ST3GAL3: variants seen among roughly 807,000 people sequenced by gnomAD.
ST3GAL3 encodes ST3 beta-galactoside alpha-2,3-sialyltransferase 3.
ST3GAL3 carries 21 observed loss-of-function variants against 50.1 expected under a neutral mutation model. The ratio of observed to expected loss-of-function variants is 0.42; its 90% CI spans 0.30 to 0.60. The LOEUF (loss-of-function observed/expected upper bound fraction) is 0.60, where lower values mean the gene tolerates loss of function less well. Ranked by LOEUF, ST3GAL3 falls within the 20% of genes least tolerant of loss-of-function variation. The pLI, the probability that ST3GAL3 is intolerant of heterozygous loss-of-function variation, is 0.19. For missense variants in ST3GAL3, 353 were observed against 489.4 expected (o/e 0.72, Z 2.63); for synonymous variants, 183 against 190.0 (o/e 0.96, Z 0.30).
chr1:43,833,107 G>T (rs1413073938), intron 4 of ST3GAL3, among the ~76,000 whole-genome samples: 1 of 152,158 alleles, frequency 6.6e-6, no homozygotes, highest in African/African-American at 2.4e-5. Flanking sequence ...TCTCTGAGAT[G>T]GTTCTAGAAA....
intron 1 of ST3GAL3, among the ~76,000 whole-genome samples, chr1:43,712,904 T>C (rs954921049): frequency 2.0e-5 from 3 of 152,308 alleles, no homozygotes; most frequent in South Asian, 2.1e-4. Context: ...TTGTGAGTTA[T>C]GAAGTTAGAG....
chr1:43,784,247 G>A lies in ST3GAL3; in HGVS notation c.119-7855G>A, dbSNP rs542279936. On this transcript the variant is annotated intron_variant, in intron 2 of 11. Transcript: ENST00000347631. ...CGACAGGCCAGGCGTGGTGGCTCGT[G>A]CCTGTAATCCCAGCACTTTGGGAGG... 2.1e-3 allele frequency among the ~76,000 whole-genome samples: 314 copies of A among 152,256 alleles called. 1 individual carries two copies. Among genetic ancestry groups the A allele is most frequent in the African/African-American group, 7.2e-3 (301 of 41,556 alleles).
In ST3GAL3 at chr1:43,744,194, G is replaced by A. The variant is rs113592040; in HGVS notation, c.118+7814G>A. Among the ~76,000 whole-genome samples the A allele has an allele frequency of 5.2e-3, 798 of 152,084 alleles. 15 individuals are homozygous for A. Among genetic ancestry groups the A allele is most frequent in the African/African-American group, 0.018 (741 of 41,482 alleles). Reference sequence around the variant, plus strand: ...GTAGGTGTTTCATATAGAGAAGTCTGTCTTTAAGGCGGGTAATTACTCTTA... The same window carrying A: ...GTAGGTGTTTCATATAGAGAAGTCTATCTTTAAGGCGGGTAATTACTCTTA... On this transcript the variant is annotated intron_variant, in intron 2 of 11. Transcript: ENST00000347631.
chr1:43,865,087 G>A (rs551765347), intron 5 of ST3GAL3, among the ~76,000 whole-genome samples: 56 of 151,736 alleles, frequency 3.7e-4, no homozygotes, highest in Non-Finnish European at 7.1e-4. Flanking sequence ...CGCGATCTCG[G>A]CTCACTGCAA....
At chr1:43,906,534 G>C (rs1182943407) in intron 9 of ST3GAL3, among the ~76,000 whole-genome samples, 4 of 63,428 alleles carry the variant, frequency 6.3e-5, no homozygotes, top group Admixed American at 2.2e-4. Context: ...TCCTCTTCCT[G>C]CCACTCTTCC....
At chr1:43,770,570 C>CT (rs1280143853) in intron 2 of ST3GAL3, among the ~76,000 whole-genome samples, 2 of 151,316 alleles carry the variant, frequency 1.3e-5, no homozygotes, top group African/African-American at 4.9e-5. Flanking sequence ...TGTTTTTTTT[C>CT]TTTTTTTTGA....
intron 3 of ST3GAL3, among the ~76,000 whole-genome samples, chr1:43,810,930 T>C (rs1452542006): frequency 6.6e-6 from 1 of 152,038 alleles, no homozygotes; most frequent in African/African-American, 2.4e-5. Flanking sequence ...CCTGAGACCC[T>C]CTGCACTCTG....
chr1:43,830,633 CA>C (rs1238093952), intron 4 of ST3GAL3, among the ~76,000 whole-genome samples: 9 of 152,292 alleles, frequency 5.9e-5, no homozygotes, highest in Admixed American at 2.6e-4. Flanking sequence ...AAGAATTGAA[CA>C]GAGGATTTGA....
chr1:43,814,548 A>G (rs914064726), intron 3 of ST3GAL3, among the ~76,000 whole-genome samples: 4 of 152,222 alleles, frequency 2.6e-5, no homozygotes, highest in African/African-American at 7.2e-5. Flanking sequence ...GAGGAAGCAG[A>G]TACTGCATCT....
intron 3 of ST3GAL3, among the ~76,000 whole-genome samples, chr1:43,811,527 G>A (rs886831433): frequency 1.3e-5 from 2 of 152,130 alleles, no homozygotes; most frequent in African/African-American, 4.8e-5. Flanking sequence ...GCATCTACCT[G>A]TTGCTTCTGT....
chr1:43,709,909 G>A (rs1663752436), intron 1 of ST3GAL3, among the ~76,000 whole-genome samples: 1 of 152,134 alleles, frequency 6.6e-6, no homozygotes, highest in Non-Finnish European at 1.5e-5. Context: ...ATATGCGTGA[G>A]CCACCACACC....
At chr1:43,772,177 G>A in intron 2 of ST3GAL3, 1 of 394,898 alleles carries the variant, frequency 2.5e-6, no homozygotes, top group Non-Finnish European at 4.5e-6. Context: ...AGCCTCCCCA[G>A]TAGCTGGGAT....
chr1:43,837,795 A>G (rs2064625945), intron 4 of ST3GAL3, among the ~76,000 whole-genome samples: 1 of 152,156 alleles, frequency 6.6e-6, no homozygotes, highest in Non-Finnish European at 1.5e-5. Flanking sequence ...ACATAATGAA[A>G]CCCTGTCTCT....
intron 2 of ST3GAL3, among the ~76,000 whole-genome samples, chr1:43,758,400 G>A (rs1188215151): frequency 2.0e-5 from 3 of 152,060 alleles, no homozygotes; most frequent in Admixed American, 1.3e-4. Context: ...ACAGAAGTGT[G>A]CCTCTATACC....
At chr1:43,845,128 G>A (rs1186807172) in intron 5 of ST3GAL3, among the ~76,000 whole-genome samples, 2 of 151,956 alleles carry the variant, frequency 1.3e-5, no homozygotes, top group African/African-American at 2.4e-5. Context: ...GATTACAGGT[G>A]TGCACCACCA....
intron 2 of ST3GAL3, among the ~76,000 whole-genome samples, chr1:43,747,706 G>A (rs181817826): frequency 3.7e-4 from 56 of 151,008 alleles, no homozygotes; most frequent in African/African-American, 9.7e-4. Context: ...TCAGCCTCCC[G>A]AGTAGCTGGG....
chr1:43,747,211 C>T (rs1558122814), intron 2 of ST3GAL3, among the ~76,000 whole-genome samples: 1 of 152,130 alleles, frequency 6.6e-6, no homozygotes, highest in Non-Finnish European at 1.5e-5. Context: ...AGTTCGAGAG[C>T]AGCCTGGCCA....
intron 3 of ST3GAL3, among the ~76,000 whole-genome samples, chr1:43,810,087 T>C (rs2060379094): frequency 6.6e-6 from 1 of 151,546 alleles, no homozygotes; most frequent in African/African-American, 2.4e-5. Context: ...TGGTGAGCTA[T>C]GGGACTTCAA....
In ST3GAL3 at chr1:43,754,890, C is replaced by T. The variant is rs112565619; in HGVS notation, c.118+18510C>T. On this transcript the variant is annotated intron_variant, in intron 2 of 11. Transcript: ENST00000347631. ...GCTTGAGTTTGTGAGGTCAAGGCTG[C>T]ACTCCAGCCTAGGTGATAGAGCAAA... Among the ~76,000 whole-genome samples the T allele has an allele frequency of 5.3e-3, 805 of 151,474 alleles. 16 individuals carry two copies. The highest frequency in any genetic ancestry group is 0.018 in the African/African-American group (748 of 41,348).
Sources: allele counts gnomAD v4.1 joint callset (sites outside exome capture counted in the v4.1 genomes callset), GRCh38; gene constraint gnomAD v4.1.1; transcripts MANE v1.5; gene names NCBI Gene and HGNC (gene_info 2026-07-23, HGNC 2026-07-21).